The following TEK variants were observed in gnomAD, a reference collection of about 807,000 sequenced individuals.
TEK encodes the protein angiopoietin-1 receptor.
A neutral mutation model predicts 131.8 loss-of-function variants in TEK; 43 were observed. The observed-to-expected ratio is 0.33, with a 90% CI of 0.26 to 0.42. The LOEUF is 0.42. Ranked by LOEUF, TEK falls within the 10% of genes least tolerant of loss-of-function variation. TEK has a pLI of 1.00. For missense variants in TEK, 1,162 were observed against 1,384.4 expected (o/e 0.84, Z 2.55); for synonymous variants, 580 against 491.6 (o/e 1.18, Z -2.38).
At chr9:27,134,655 T>A (rs1822350393) in intron 1 of TEK, among the ~76,000 whole-genome samples, 1 of 152,170 alleles carries the variant, frequency 6.6e-6, no homozygotes, top group Non-Finnish European at 1.5e-5. Context: ...ATGGCAAACT[T>A]CATTTTCCAG....
chr9:27,193,332 C>T (rs1824890326), intron 11 of TEK, among the ~76,000 whole-genome samples: 1 of 152,134 alleles, frequency 6.6e-6, no homozygotes, highest in African/African-American at 2.4e-5. Context: ...GTTTCGGATT[C>T]AATGGTTTTG....
Position 27,194,875 on chromosome 9 carries a change from C to T in TEK, c.1624+2252C>T, listed in dbSNP as rs1045548274. On this transcript the variant is annotated intron_variant, in intron 11 of 22. Transcript: ENST00000380036. ...TTGAGATGGTGAAGGCCAGGGAGTC[C>T]GGGAGGGGAAGGAAGAGAACACTTT... Among the ~76,000 whole-genome samples, 10 of 151,706 alleles carry T rather than the reference C, an allele frequency of 6.6e-5. No homozygotes were observed. The South Asian group carries it at 8.3e-4, about 13-fold the overall frequency.
chr9:27,142,136 G>C (rs1822747940), intron 1 of TEK, among the ~76,000 whole-genome samples: 1 of 152,034 alleles, frequency 6.6e-6, no homozygotes, highest in African/African-American at 2.4e-5. Context: ...AGAGAATGAG[G>C]ATATGAAAAG....
chr9:27,186,308 G>C lies in TEK; in HGVS notation c.1327+679G>C, dbSNP rs148627699. On this transcript the variant is annotated intron_variant, in intron 9 of 22. Transcript: ENST00000380036. ...TGGCTGGTGTACGTAGCTACAGCAA[G>C]GAATTTTAAATCCGCAAGTTACTTA... is the stretch of plus-strand genomic sequence containing the variant. Among the ~76,000 whole-genome samples the C allele has an allele frequency of 3.1e-3, 465 of 152,196 alleles. 2 individuals carry two copies. Among genetic ancestry groups the C allele is most frequent in the Non-Finnish European group, 3.7e-3 (250 of 68,012 alleles).
chr9:27,153,858 C>G (rs896653202), intron 1 of TEK, among the ~76,000 whole-genome samples: 1 of 152,196 alleles, frequency 6.6e-6, no homozygotes, highest in Non-Finnish European at 1.5e-5. Context: ...CAAGAAGCCA[C>G]GGACCACAGT....
intron 1 of TEK, among the ~76,000 whole-genome samples, chr9:27,133,621 T>C (rs1342880255): frequency 6.6e-6 from 1 of 152,174 alleles, no homozygotes; most frequent in African/African-American, 2.4e-5. Context: ...TCCGTAAATC[T>C]CCTATTAGAT....
chr9:27,147,276 T>C (rs867416320), intron 1 of TEK, among the ~76,000 whole-genome samples: 24 of 152,306 alleles, frequency 1.6e-4, no homozygotes, highest in African/African-American at 4.3e-4. Context: ...TTTTTTGATC[T>C]GTTCTAATAG....
chr9:27,216,798 A>C (rs1256934636), intron 18 of TEK, among the ~76,000 whole-genome samples: 1 of 152,118 alleles, frequency 6.6e-6, no homozygotes, highest in Non-Finnish European at 1.5e-5. Context: ...AAGGTCCCTC[A>C]AGTGCTCCTG....
chr9:27,109,473 T>C lies in TEK; in HGVS notation c.-118T>C, dbSNP rs1821246197. 1 of 1,043,252 alleles carries C rather than the reference T, an allele frequency of 9.6e-7. No homozygotes were observed. 64.6% of individuals were successfully genotyped at this position (1,043,252 alleles called of 1,614,324 possible). A position where few individuals can be genotyped will look rare whatever the true frequency, so the allele number is the denominator to read the frequency against. Reference sequence around the variant, plus strand: ...GTGCTGTTCCTTCTTGCCTCTAACTTGTAAACAAGACGTAGTAGGACGATG... The same window carrying C: ...GTGCTGTTCCTTCTTGCCTCTAACTCGTAAACAAGACGTAGTAGGACGATG... On this transcript the variant is annotated 5_prime_UTR_variant, in exon 1 of 23. Coordinates refer to ENST00000380036, the MANE Select transcript of TEK (RefSeq NM_000459.5).
At position 27,180,445 on chromosome 9, in the gene TEK, C is replaced by T. The variant is rs982722071; in HGVS notation, c.1030+77C>T. 1.5e-5 allele frequency: 24 copies of T among 1,553,464 alleles called. 1 individual carries two copies. The highest frequency in any genetic ancestry group is 1.2e-4 in the Admixed American group (6 of 52,140). On this transcript the variant is annotated intron_variant, in intron 7 of 22. Coordinates refer to ENST00000380036, the MANE Select transcript of TEK (RefSeq NM_000459.5). Reference sequence around the variant, plus strand: ...AGCTTTGGTAGTGTAATTCTTGTGCCGGCATTCTAAGATCCTCAAGCCTCT... The same window carrying T: ...AGCTTTGGTAGTGTAATTCTTGTGCTGGCATTCTAAGATCCTCAAGCCTCT...
chr9:27,222,572 G>T (rs1826130075), intron 21 of TEK, among the ~76,000 whole-genome samples: 1 of 152,136 alleles, frequency 6.6e-6, no homozygotes, highest in Admixed American at 6.5e-5. Flanking sequence ...ACATTCTTAA[G>T]AGAAGAATTT....
At chr9:27,122,579 A>G (rs145534411) in intron 1 of TEK, among the ~76,000 whole-genome samples, 16 of 152,232 alleles carry the variant, frequency 1.1e-4, no homozygotes, top group African/African-American at 3.6e-4. Flanking sequence ...AGAGACACTT[A>G]TAAGAGCCTT....
At chr9:27,215,371 A>G (rs1825783195) in intron 18 of TEK, among the ~76,000 whole-genome samples, 1 of 152,140 alleles carries the variant, frequency 6.6e-6, no homozygotes. Context: ...CCTGCAAGAA[A>G]GGTGCAGTGT....
chr9:27,228,710 A>C (rs146052059), intron 22 of TEK, among the ~76,000 whole-genome samples: 42 of 152,302 alleles, frequency 2.8e-4, no homozygotes, highest in African/African-American at 1.0e-3. Context: ...AAAAATTTCT[A>C]GAAGTAAGTT....
At chr9:27,140,744 T>C (rs747128997) in intron 1 of TEK, among the ~76,000 whole-genome samples, 5 of 152,178 alleles carry the variant, frequency 3.3e-5, no homozygotes, top group South Asian at 2.1e-4. Flanking sequence ...AAAACTATTA[T>C]GTTTTCCTTA....
chr9:27,190,996 T>C (rs963293424), intron 10 of TEK, among the ~76,000 whole-genome samples: 1 of 152,150 alleles, frequency 6.6e-6, no homozygotes, highest in African/African-American at 2.4e-5. Context: ...TGGCTGGTCA[T>C]GGGGAAAGGC....
chr9:27,118,990 C>T (rs1413170859), intron 1 of TEK, among the ~76,000 whole-genome samples: 1 of 152,208 alleles, frequency 6.6e-6, no homozygotes, highest in Non-Finnish European at 1.5e-5. Flanking sequence ...CCAAGACAGG[C>T]ACTCTGATAG....
chr9:27,203,605 C>G (rs149983514), intron 13 of TEK, among the ~76,000 whole-genome samples: 2 of 152,260 alleles, frequency 1.3e-5, no homozygotes, highest in East Asian at 3.9e-4. Context: ...GTGATTTGAG[C>G]TAGATAGAGA....
rs866426781 is a variant in TEK, at chr9:27,145,410, G to C, written c.53-12421G>C. Among the ~76,000 whole-genome samples the C allele has an allele frequency of 3.9e-5, 6 of 152,226 alleles. No individual in the cohort carries two copies. In the South Asian group the frequency reaches 6.2e-4, roughly 16 times the overall value. On this transcript the variant is annotated intron_variant, in intron 1 of 22. Transcript: ENST00000380036. Reference sequence around the variant, plus strand: ...GCCATGAGCCGTCCTTCCTTCTAAGGGTGTCTTAGCTCCAAGATGACTTTA... The same window carrying C: ...GCCATGAGCCGTCCTTCCTTCTAAGCGTGTCTTAGCTCCAAGATGACTTTA...
Sources: allele counts gnomAD v4.1 joint callset (sites outside exome capture counted in the v4.1 genomes callset), GRCh38; gene constraint gnomAD v4.1.1; transcripts MANE v1.5; gene names NCBI Gene and HGNC (gene_info 2026-07-23, HGNC 2026-07-21).